EPX: variants seen among roughly 807,000 people sequenced by gnomAD.
EPX encodes the protein eosinophil peroxidase.
A neutral mutation model predicts 73.0 loss-of-function variants in EPX; 60 were observed. That is an observed-to-expected ratio of 0.82 (90% confidence interval 0.67 to 1.02). The LOEUF is 1.02. Among genes scored for constraint, EPX ranks in the 50% least tolerant of loss-of-function variants. The pLI, the probability that EPX is intolerant of heterozygous loss-of-function variation, is 0.00. For synonymous variants in EPX, 347 were observed against 389.2 expected (o/e 0.89, Z 1.28); for missense variants, 950 against 973.9 (o/e 0.98, Z 0.33).
In EPX at chr17:58,204,435, G is replaced by A. The variant is rs1412477344; in HGVS notation, c.*11+1G>A. ...GGCGAGGGACATGAGGCTTCTGCAG[G>A]TAAGGGGAGGCCACCTCCAGCACCC... On this transcript the variant is annotated splice_donor_variant, in intron 12 of 12. Coordinates refer to ENST00000225371, the MANE Select transcript of EPX (RefSeq NM_000502.6). LOFTEE classifies it low-confidence loss of function (3UTR_SPLICE). The A allele has an allele frequency of 1.2e-6, 2 of 1,602,800 alleles. No individual in the cohort carries two copies. Among genetic ancestry groups the A allele is most frequent in the African/African-American group, 1.3e-5 (1 of 74,666 alleles).
chr17:58,194,858 T>C, intron 5 of EPX, 106 bp from the exon 6 acceptor site: 1 of 806,938 alleles, frequency 1.2e-6, no homozygotes, highest in South Asian at 1.4e-5. Flanking sequence ...GAGGAGAGGC[T>C]GTCAATTCCA....
intron 7 of EPX, among the ~76,000 whole-genome samples, chr17:58,198,008 G>A (rs1051326861): frequency 4.6e-5 from 7 of 152,006 alleles, no homozygotes; most frequent in Admixed American, 2.0e-4. Context: ...GCTAATTTTT[G>A]TATATTTAGT....
chr17:58,193,392 C>T lies in EPX; in HGVS notation c.192C>T (p.Ser64=), dbSNP rs765596608. The T allele has an allele frequency of 9.9e-6, 16 of 1,614,092 alleles. No homozygotes were observed. Among genetic ancestry groups the T allele is most frequent in the African/African-American group, 1.3e-5 (1 of 74,942 alleles). ...GCAGCATCAAGCAGCGGCTTCGCAG[C>T]GGTTCAGCCAGCCCCATGGACCTCC... ...TQKSIKQRLR[S]GSASPMDLLS... The change falls in exon 3 of 13, where the codon AGC becomes AGT. Residue 64 remains serine (S), a synonymous_variant. Transcript: ENST00000225371.
intron 6 of EPX, among the ~76,000 whole-genome samples, chr17:58,195,396 T>A (rs35223829): frequency 6.6e-6 from 1 of 152,104 alleles, no homozygotes; most frequent in African/African-American, 2.4e-5. Flanking sequence ...TCAGGCTTCA[T>A]GGAGTGGGAA....
intron 10 of EPX, 109 bp from the exon 11 acceptor site, chr17:58,202,972 C>T: frequency 1.2e-6 from 1 of 804,566 alleles, no homozygotes; most frequent in Non-Finnish European, 2.2e-6. Context: ...TCTTCTGGTT[C>T]TGCCCAATAT....
intron 10 of EPX, among the ~76,000 whole-genome samples, chr17:58,200,760 A>G (rs996691994): frequency 2.6e-4 from 39 of 152,222 alleles, no homozygotes; most frequent in African/African-American, 9.4e-4. Flanking sequence ...AGGAAGGCTA[A>G]AATTCCAGAG....
chr17:58,200,004 G>T (rs574457791), intron 9 of EPX, among the ~76,000 whole-genome samples: 193 of 152,334 alleles, frequency 1.3e-3, no homozygotes, highest in Admixed American at 4.1e-3. Flanking sequence ...TAAAGGGGTG[G>T]AGACTAATGT....
chr17:58,201,933 A>G (rs1426989579), intron 10 of EPX, among the ~76,000 whole-genome samples: 1 of 152,206 alleles, frequency 6.6e-6, no homozygotes, highest in Non-Finnish European at 1.5e-5. Flanking sequence ...TGTGCCCTCC[A>G]GAAATATTAT....
At chr17:58,196,058 TTTCTTCC>T (rs1309343176) in intron 6 of EPX, among the ~76,000 whole-genome samples, 111 of 134,678 alleles carry the variant, frequency 8.2e-4, no homozygotes, top group Non-Finnish European at 1.6e-3. Flanking sequence ...TTTCTTTTTC[TTTCTTCC>T]GTCCTTTCTT....
chr17:58,196,045 T>C (rs1004111987), intron 6 of EPX, among the ~76,000 whole-genome samples: 73 of 150,882 alleles, frequency 4.8e-4, no homozygotes, highest in African/African-American at 1.6e-3. Context: ...TTCTTTCTTT[T>C]TCTTTCTTTT....
intron 10 of EPX, among the ~76,000 whole-genome samples, chr17:58,201,900 G>A (rs948550578): frequency 7.2e-5 from 11 of 152,156 alleles, no homozygotes; most frequent in African/African-American, 2.4e-4. Context: ...TCCACATTGC[G>A]AGCTTCTGCT....
chr17:58,197,244 C>T lies in EPX; in HGVS notation c.1107C>T (p.Pro369=), dbSNP rs1459827784. ...CLLTNRSARI[P]CFLAGDTRST... is the part of the protein sequence containing the mutation. ...TCACCAACCGCTCGGCGCGCATCCC[C>T]TGCTTCCTGGCAGGTCAGACAGGGA... The change falls in exon 7 of 13, where the codon CCC becomes CCT. Residue 369 remains proline, a synonymous_variant. Coordinates refer to ENST00000225371, the MANE Select transcript of EPX (RefSeq NM_000502.6). The T allele has an allele frequency of 1.2e-6, 2 of 1,612,016 alleles. No individual in the cohort carries two copies. Among genetic ancestry groups the T allele is most frequent in the East Asian group, 2.2e-5 (1 of 44,884 alleles).
chr17:58,200,136 A>G, intron 9 of EPX, 89 bp from the exon 10 acceptor site: 1 of 1,293,656 alleles, frequency 7.7e-7, no homozygotes, highest in South Asian at 1.2e-5. Context: ...TGGCTTGTCC[A>G]GCTCTGGGCT....
chr17:58,197,008 T>A lies in EPX; in HGVS notation c.871T>A (p.Cys291Ser). 1 of 1,614,140 alleles carries A rather than the reference T, an allele frequency of 6.2e-7. No individual in the cohort carries two copies. The highest frequency in any genetic ancestry group is 8.5e-7 in the Non-Finnish European group (1 of 1,180,010). The change falls in exon 7 of 13, where the codon TGC (cysteine) becomes AGC (serine). Residue 291 changes from cysteine (C) to serine (S), a missense_variant. By Grantham distance (112) the Cys-to-Ser change is moderately radical. Coordinates refer to ENST00000225371, the MANE Select transcript of EPX (RefSeq NM_000502.6). ...CIPFFRSAPSCPQNKNRVRNQ... is the reference protein window; with the variant it reads ...CIPFFRSAPSSPQNKNRVRNQ... ...CCCTTTCTTCCGCTCGGCACCCTCA[T>A]GCCCCCAAAACAAGAACAGAGTCCG...
At chr17:58,201,581 C>A (rs1968341696) in intron 10 of EPX, among the ~76,000 whole-genome samples, 1 of 152,254 alleles carries the variant, frequency 6.6e-6, no homozygotes, top group Non-Finnish European at 1.5e-5. Context: ...GGTCGTATGG[C>A]TTGCTACCCA....
At position 58,193,075 on chromosome 17, in the gene EPX, C is replaced by G. The variant is rs768260663; in HGVS notation, c.114C>G (p.Asp38Glu). ...PGAVETSVLR[D>E]CIAEAKLLVD... The stretch of plus-strand genomic sequence containing the variant: ...CAGTGGAGACCTCGGTCCTGCGAGA[C>G]TGCATAGCAGAGGCCAAGTTGCTGG... The change falls in exon 2 of 13, where the codon GAC (aspartate) becomes GAG (glutamate). Residue 38 changes from aspartate to glutamate, a missense_variant. Physicochemically the swap from Asp to Glu is conservative, Grantham distance 45. Transcript: ENST00000225371. 3 of 1,613,196 alleles carry G rather than the reference C, an allele frequency of 1.9e-6. No individual in the cohort carries two copies. In the South Asian group the frequency reaches 3.3e-5, roughly 18 times the overall value.
intron 7 of EPX, 57 bp from the exon 8 acceptor site, chr17:58,198,983 G>C: frequency 6.3e-7 from 1 of 1,592,264 alleles, no homozygotes; most frequent in Non-Finnish European, 8.6e-7. Flanking sequence ...GTCTACCCTG[G>C]TAGAAAGACA....
rs375356146 is a variant in EPX at position 58,199,771 on chromosome 17, C to T, written c.1514C>T (p.Ala505Val). 3.1e-6 allele frequency: 5 copies of T among 1,613,782 alleles called. No individual in the cohort carries two copies. Among genetic ancestry groups the T allele is most frequent in the African/African-American group, 1.3e-5 (1 of 74,744 alleles). The change falls in exon 9 of 13, where the codon GCC (alanine) becomes GTC (valine). Residue 505 changes from alanine to valine, a missense_variant. Ala to Val is a moderately conservative substitution (Grantham distance 64, BLOSUM62 0). Transcript: ENST00000225371. ...SHVPLSSAFF[A>V]SWRIVYEGGI... is the part of the protein sequence containing the mutation. The stretch of plus-strand genomic sequence containing the variant: ...GTCCCACTTAGCTCTGCCTTCTTTG[C>T]CAGCTGGCGGATCGTGTATGAAGGT...
intron 5 of EPX, 111 bp downstream of exon 5, chr17:58,194,203 A>G: frequency 9.0e-7 from 1 of 1,107,188 alleles, no homozygotes; most frequent in South Asian, 1.3e-5. Context: ...TCCACTGACC[A>G]GTGCAGTGAC....
Sources: gnomAD v4.1 joint callset for allele counts (sites outside exome capture counted in the v4.1 genomes callset) on GRCh38, gnomAD v4.1.1 for gene constraint, MANE v1.5 for transcripts, NCBI Gene and HGNC (gene_info 2026-07-23, HGNC 2026-07-21) for gene names.